Variants in INTS15 observed in about 807,000 individuals in gnomAD.
INTS15 encodes integrator complex subunit 15, also known as uncharacterized protein C7orf26.
chr7:6,607,725 G>A, the INTS15 span: 5 of 1,511,258 alleles, frequency 3.3e-6, no homozygotes, highest in African/African-American at 2.8e-5. This position sits in a 1 kb window ranked among gnomAD's most constrained non-coding sequence, Gnocchi z 6.0. Context: ...GGAGTGCTAC[G>A]GCCGGAGCTC....
the INTS15 span, chr7:6,607,469 C>G: frequency 8.2e-6 from 10 of 1,212,834 alleles, no homozygotes; most frequent in East Asian, 4.0e-4. The surrounding 1 kb of genome is among the most constrained non-coding windows in gnomAD (Gnocchi z 6.0). Context: ...TCCCGGAGGT[C>G]TGTAACGGCT....
the INTS15 span, among the ~76,000 whole-genome samples, chr7:6,598,766 TG>T: frequency 2.7e-5 from 3 of 111,046 alleles, no homozygotes; most frequent in Non-Finnish European, 5.0e-5. Flanking sequence ...TGTGTGTGTG[TG>T]TGTGTGTGTG....
At chr7:6,604,672 G>T in the INTS15 span, among the ~76,000 whole-genome samples, 1 of 152,186 alleles carries the variant, frequency 6.6e-6, no homozygotes, top group Non-Finnish European at 1.5e-5. Context: ...GCTGGGCAGC[G>T]CTCGCAGGCT....
the INTS15 span, among the ~76,000 whole-genome samples, chr7:6,597,351 G>A: frequency 6.6e-6 from 1 of 151,878 alleles, no homozygotes; most frequent in African/African-American, 2.4e-5. Flanking sequence ...CTGGAGTGCA[G>A]TGGTGTGATC....
At chr7:6,599,990 G>T in the INTS15 span, 1 of 1,614,058 alleles carries the variant, frequency 6.2e-7, no homozygotes, top group African/African-American at 1.3e-5. Flanking sequence ...CCGCTGGTGC[G>T]TGAAGGCACC....
the INTS15 span, among the ~76,000 whole-genome samples, chr7:6,601,038 G>T: frequency 1.3e-5 from 2 of 152,226 alleles, no homozygotes; most frequent in Non-Finnish European, 2.9e-5. Context: ...CACGATCGTA[G>T]CTCGCCACAG....
At chr7:6,600,021 A>G in the INTS15 span, 7 of 1,614,206 alleles carry the variant, frequency 4.3e-6, no homozygotes, top group South Asian at 7.7e-5. Context: ...AAAAGGAAAA[A>G]GAAGCCCCCC....
At chr7:6,593,017 G>A in the INTS15 span, among the ~76,000 whole-genome samples, 2 of 152,174 alleles carry the variant, frequency 1.3e-5, no homozygotes, top group Admixed American at 6.5e-5. Context: ...GATAGCAGCT[G>A]TTAATTTTTA....
At chr7:6,597,873 G>A in the INTS15 span, among the ~76,000 whole-genome samples, 2 of 152,178 alleles carry the variant, frequency 1.3e-5, no homozygotes, top group East Asian at 3.9e-4. Flanking sequence ...GAGCATTCTT[G>A]GGGAGCCCGT....
chr7:6,590,253 C>T, the INTS15 span: 5 of 1,474,858 alleles, frequency 3.4e-6, no homozygotes, highest in Non-Finnish European at 2.7e-6. Flanking sequence ...AAGTGAGACG[C>T]GCTCGGCGCG....
At chr7:6,607,484 C>T in the INTS15 span, 3 of 1,275,232 alleles carry the variant, frequency 2.4e-6, no homozygotes, top group African/African-American at 1.5e-5. This position sits in a 1 kb window ranked among gnomAD's most constrained non-coding sequence, Gnocchi z 6.0. Flanking sequence ...ACGGCTGGGT[C>T]CAGGCCTGGG....
the INTS15 span, chr7:6,599,768 C>T: frequency 6.5e-7 from 1 of 1,538,018 alleles, no homozygotes; most frequent in Non-Finnish European, 8.9e-7. Context: ...TCCCTCTCTC[C>T]ACTTCCCGCC....
chr7:6,604,717 C>G, the INTS15 span, among the ~76,000 whole-genome samples: 1 of 152,310 alleles, frequency 6.6e-6, no homozygotes, highest in African/African-American at 2.4e-5. Flanking sequence ...GTCCAGGGTT[C>G]AGCCGGATGC....
chr7:6,590,229 C>G, the INTS15 span: 1 of 1,406,484 alleles, frequency 7.1e-7, no homozygotes, highest in South Asian at 1.5e-5. Flanking sequence ...GGCGCAGTCC[C>G]GGGCCCCGGG....
the INTS15 span, among the ~76,000 whole-genome samples, chr7:6,598,784 TG>T: frequency 1.1e-5 from 1 of 92,326 alleles, no homozygotes; most frequent in African/African-American, 7.6e-5. Flanking sequence ...TGTGTGTGTG[TG>T]TATTTTTTTT....
chr7:6,600,037 C>T, the INTS15 span: 2 of 1,614,078 alleles, frequency 1.2e-6, no homozygotes, highest in African/African-American at 1.3e-5. Context: ...CCCCCTTATC[C>T]AATGGCCATG....
the INTS15 span, chr7:6,590,149 C>G: frequency 2.8e-6 from 2 of 701,796 alleles, no homozygotes; most frequent in Non-Finnish European, 4.0e-6. Flanking sequence ...GAGCAGGCGG[C>G]GGCAGGCGGG....
the INTS15 span, chr7:6,602,163 G>A: frequency 6.2e-7 from 1 of 1,606,044 alleles, no homozygotes; most frequent in Admixed American, 1.7e-5. Context: ...AGGACTCCTA[G>A]CTGGGCCAGC....
At chr7:6,590,187 C>T in the INTS15 span, 4 of 1,147,782 alleles carry the variant, frequency 3.5e-6, no homozygotes, top group Non-Finnish European at 3.4e-6. Context: ...CAGCCCAGGC[C>T]CGGGTCGCGC....
Sources: gnomAD v4.1 joint callset for allele counts (sites outside exome capture counted in the v4.1 genomes callset) on GRCh38, gnomAD v4.1.1 for gene constraint, Gnocchi (gnomAD v3.1) non-coding constraint, MANE v1.5 for transcripts, NCBI Gene and HGNC (gene_info 2026-07-23, HGNC 2026-07-21) for gene names.